The following GSDME variants were observed in gnomAD, a reference collection of about 807,000 sequenced individuals.
GSDME encodes the protein gasdermin E.
GSDME carries 44 observed loss-of-function variants against 47.5 expected under a neutral mutation model. The observed-to-expected ratio is 0.93, with a 90% CI of 0.73 to 1.19. The LOEUF is 1.19. Among genes scored for constraint, GSDME ranks in the 50% most tolerant of loss-of-function variants. GSDME has a pLI of 0.00. For synonymous variants in GSDME, 258 were observed against 252.8 expected, an observed-to-expected ratio of 1.02 and a Z score of -0.20; for missense variants, 663 against 604.2, an observed-to-expected ratio of 1.10 and a Z score of -1.02.
chr7:24,744,661 T>A lies in GSDME; in HGVS notation c.305A>T (p.Asn102Ile). Reference protein sequence around the residue: ...LETALGKVKLNLGGSSRVESQ... With the variant: ...LETALGKVKLILGGSSRVESQ... ...CTCTACGCGGCTGCTGCCCCCCAGGTTCAGCTTGACCTTCCCCAGTGCAGT... is the reference window on the plus strand; with the variant it reads ...CTCTACGCGGCTGCTGCCCCCCAGGATCAGCTTGACCTTCCCCAGTGCAGT... Residue 102 changes from asparagine to isoleucine, a missense_variant, in exon 3 of 10, where the codon AAC (asparagine) becomes ATC (isoleucine). Coordinates refer to ENST00000645220, the MANE Select transcript of GSDME (RefSeq NM_001127453.2). The surrounding 1 kb of genome is among the most constrained non-coding windows in gnomAD (Gnocchi z 4.5). 1 of 1,614,148 alleles carries A rather than the reference T, an allele frequency of 6.2e-7. No individual in the cohort carries two copies. Among genetic ancestry groups the A allele is most frequent in the African/African-American group, 1.3e-5 (1 of 75,018 alleles).
rs569619383 is a variant in GSDME, at chr7:24,707,263, G to A, written c.990+864C>T. The A allele has an allele frequency of 2.3e-4, 106 of 466,744 alleles. 1 individual carries two copies. Among genetic ancestry groups the A allele is most frequent in the Middle Eastern group, 3.3e-4 (1 of 3,074 alleles). 28.9% of individuals were successfully genotyped at this position (466,744 alleles called of 1,614,324 possible). A position where few individuals can be genotyped will look rare whatever the true frequency, so the allele number is the denominator to read the frequency against. ...TGCATAATATAATAGAAAAACAAAA[G>A]AACAAAAAACAAAACTGTAGTCAAA... On this transcript the variant is annotated intron_variant, in intron 7 of 9. Coordinates refer to ENST00000645220, the MANE Select transcript of GSDME (RefSeq NM_001127453.2).
rs1255841551 is a variant in GSDME at position 24,726,080 on chromosome 7, G to T, written c.405-6862C>A. Among the ~76,000 whole-genome samples the T allele has an allele frequency of 6.6e-6, 1 of 152,174 alleles. No individual in the cohort carries two copies. Among genetic ancestry groups the T allele is most frequent in the Non-Finnish European group, 1.5e-5 (1 of 68,026 alleles). On this transcript the variant is annotated intron_variant, in intron 3 of 9. Coordinates refer to ENST00000645220, the MANE Select transcript of GSDME (RefSeq NM_001127453.2). The surrounding 1 kb of genome is among the most constrained non-coding windows in gnomAD (Gnocchi z 5.6). ...GAAGCGTGGCTCAGAGCCCAGCGTG[G>T]TTGCTGGGGACCAGAGCAGCCCAGC...
chr7:24,788,606 T>C, the GSDME span, among the ~76,000 whole-genome samples: 1 of 152,222 alleles, frequency 6.6e-6, no homozygotes, highest in Non-Finnish European at 1.5e-5. This position sits in a 1 kb window ranked among gnomAD's most constrained non-coding sequence, Gnocchi z 4.6. Context: ...GACAGTGATG[T>C]CCTGATGTGC....
Position 24,739,235 on chromosome 7 carries a change from G to C in GSDME, c.404+5327C>G, listed in dbSNP as rs754054009. Among the ~76,000 whole-genome samples the C allele has an allele frequency of 4.6e-5, 7 of 152,120 alleles. No homozygotes were observed. Among genetic ancestry groups the C allele is most frequent in the Non-Finnish European group, 8.8e-5 (6 of 68,000 alleles). On this transcript the variant is annotated intron_variant, in intron 3 of 9. Coordinates refer to ENST00000645220, the MANE Select transcript of GSDME (RefSeq NM_001127453.2). The surrounding 1 kb of genome is among the most constrained non-coding windows in gnomAD (Gnocchi z 5.1). ...TATTTTTACACTACCCATGTGACAAGAGATTAATAACCAGAATATAAAAGG... is the reference window on the plus strand; with the variant it reads ...TATTTTTACACTACCCATGTGACAACAGATTAATAACCAGAATATAAAAGG...
intron 5 of GSDME, chr7:24,715,622 AAC>A: frequency 2.8e-6 from 1 of 356,806 alleles, no homozygotes; most frequent in Non-Finnish European, 5.8e-6. Context: ...ACATACAGAT[AAC>A]AGAGACTAGA....
chr7:24,772,756 T>C, the GSDME span, among the ~76,000 whole-genome samples: 1 of 152,238 alleles, frequency 6.6e-6, no homozygotes, highest in African/African-American at 2.4e-5. The surrounding 1 kb of genome is among the most constrained non-coding windows in gnomAD (Gnocchi z 4.5). Context: ...TGGATTTCCA[T>C]GTAGTTCAGT....
At chr7:24,701,184 T>C (rs1202609716) in intron 9 of GSDME, among the ~76,000 whole-genome samples, 5 of 152,230 alleles carry the variant, frequency 3.3e-5, no homozygotes, top group South Asian at 2.1e-4. Context: ...TCAAATTCCT[T>C]CAGGAGGCAG....
At chr7:24,776,963 T>C in the GSDME span, among the ~76,000 whole-genome samples, 1 of 152,190 alleles carries the variant, frequency 6.6e-6, no homozygotes, top group Non-Finnish European at 1.5e-5. Context: ...TTATTCTTCC[T>C]TTTAGCTTAT....
In GSDME at chr7:24,721,212, TAAA is replaced by T. The variant is rs1371524409; in HGVS notation, c.405-1997_405-1995del. On this transcript the variant is annotated intron_variant, in intron 3 of 9. Transcript: ENST00000645220. This position sits in a 1 kb window ranked among gnomAD's most constrained non-coding sequence, Gnocchi z 4.1. ...ATTTAATGCCACTGAATTTTACACT[TAAA>T]AATGGTTACAACAGTAAATGTTGTG... is the stretch of plus-strand genomic sequence containing the variant. Among the ~76,000 whole-genome samples the T allele has an allele frequency of 6.6e-6, 1 of 152,174 alleles. No homozygotes were observed. The highest frequency in any genetic ancestry group is 2.4e-5 in the African/African-American group (1 of 41,436).
At chr7:24,706,705 T>G (rs1789122801) in intron 7 of GSDME, among the ~76,000 whole-genome samples, 1 of 152,190 alleles carries the variant, frequency 6.6e-6, no homozygotes, top group South Asian at 2.1e-4. Flanking sequence ...TGTTCAAGCA[T>G]CGTCTTGTCT....
the GSDME span, among the ~76,000 whole-genome samples, chr7:24,787,162 C>T: frequency 3.9e-4 from 60 of 152,254 alleles, 1 homozygote; most frequent in Middle Eastern, 3.4e-3. This position sits in a 1 kb window ranked among gnomAD's most constrained non-coding sequence, Gnocchi z 5.0. Flanking sequence ...TCATTGTGAC[C>T]TAAGTTGGGC....
At chr7:24,757,543 C>T (rs1791081871), upstream of GSDME, 1 of 152,142 alleles carries the variant, frequency 6.6e-6, no homozygotes, top group South Asian at 2.1e-4. This position sits in a 1 kb window ranked among gnomAD's most constrained non-coding sequence, Gnocchi z 5.9. Flanking sequence ...CCGGGCGCCC[C>T]AGAGCCGCGG....
At chr7:24,707,834 G>A (rs1789178308) in intron 7 of GSDME, 1 of 552,514 alleles carries the variant, frequency 1.8e-6, no homozygotes, top group Non-Finnish European at 3.2e-6. Flanking sequence ...GGGAAGTGTG[G>A]CCCTGCAGAC....
chr7:24,743,693 C>T (rs1345632402), intron 3 of GSDME, among the ~76,000 whole-genome samples: 1 of 152,224 alleles, frequency 6.6e-6, no homozygotes, highest in Non-Finnish European at 1.5e-5. Context: ...GGGCACAGGC[C>T]ACTCTGGCCA....
At chr7:24,710,702 C>G (rs982796132) in intron 5 of GSDME, 1 of 307,864 alleles carries the variant, frequency 3.2e-6, no homozygotes, top group Non-Finnish European at 6.1e-6. Flanking sequence ...CAAACTGATT[C>G]TAAACAGACA....
chr7:24,767,874 G>A, the GSDME span, among the ~76,000 whole-genome samples: 4 of 152,138 alleles, frequency 2.6e-5, no homozygotes, highest in African/African-American at 4.8e-5. The surrounding 1 kb of genome is among the most constrained non-coding windows in gnomAD (Gnocchi z 5.3). Flanking sequence ...GCATGTTTGT[G>A]TAATACTTTA....
Position 24,749,644 on chromosome 7 carries a change from C to T in GSDME, c.131G>A (p.Trp44Ter). The change falls in exon 2 of 10, where the codon TGG becomes TAG. Residue 44 changes from tryptophan to a stop codon, truncating the protein, a stop_gained. Transcript: ENST00000645220. LOFTEE classifies it high-confidence loss of function. Reference protein sequence around the residue: ...LSLVTKKKRFWCWQRPKYQFL... With the variant: ...LSLVTKKKRF ...CTGGTACTTGGGTCTCTGCCAGCACCAGAATCTCTTCTTTTTTGTCACCAG... is the reference window on the plus strand; with the variant it reads ...CTGGTACTTGGGTCTCTGCCAGCACTAGAATCTCTTCTTTTTTGTCACCAG... 6.2e-7 allele frequency: 1 copy of T among 1,614,100 alleles called. No homozygotes were observed. Among genetic ancestry groups the T allele is most frequent in the Non-Finnish European group, 8.5e-7 (1 of 1,180,028 alleles).
At position 24,706,095 on chromosome 7, in the gene GSDME, T is replaced by TA; in HGVS notation, c.1183+88dup. On this transcript the variant is annotated intron_variant, in intron 8 of 9. Transcript: ENST00000645220. The stretch of plus-strand genomic sequence containing the variant: ...CTGTATGTACCATATCTTCCACAGT[T>TA]ACCACCTCTGTGTCCCCAGAAGCAT... 19 of 1,490,550 alleles carry TA rather than the reference T, an allele frequency of 1.3e-5. No individual in the cohort carries two copies. The South Asian group carries it at 1.9e-4, about 15-fold the overall frequency. The allele number at this position is 1,490,550 out of a possible 1,614,324, so 92.3% of individuals were successfully genotyped here.
the GSDME span, among the ~76,000 whole-genome samples, chr7:24,770,421 T>G: frequency 1.3e-5 from 2 of 152,190 alleles, no homozygotes; most frequent in Non-Finnish European, 2.9e-5. The surrounding 1 kb of genome is among the most constrained non-coding windows in gnomAD (Gnocchi z 4.6). Context: ...CTGTGAGTCA[T>G]TCCAGAGAAT....
Sources: gnomAD v4.1 joint callset for allele counts (sites outside exome capture counted in the v4.1 genomes callset) on GRCh38, gnomAD v4.1.1 for gene constraint, Gnocchi (gnomAD v3.1) non-coding constraint, MANE v1.5 for transcripts, NCBI Gene and HGNC (gene_info 2026-07-23, HGNC 2026-07-21) for gene names.